Variants in FRYL observed in about 807,000 individuals in gnomAD.
FRYL encodes the protein FRY like transcription coactivator.
A neutral mutation model predicts 351.2 loss-of-function variants in FRYL; 150 were observed. That is an observed-to-expected ratio of 0.43 (90% confidence interval 0.37 to 0.49). The LOEUF (loss-of-function observed/expected upper bound fraction) is 0.49, where lower values mean the gene tolerates loss of function less well. FRYL is among the 20% of genes least tolerant of loss of function. The pLI, the probability that FRYL is intolerant of heterozygous loss-of-function variation, is 0.00. For synonymous variants in FRYL, 1,153 were observed against 1,257.1 expected (o/e 0.92, Z 1.75); for missense variants, 3,036 against 3,619.3 (o/e 0.84, Z 4.13).
At chr4:48,711,481 T>A (rs188178733) in intron 1 of FRYL, among the ~76,000 whole-genome samples, 36 of 152,272 alleles carry the variant, frequency 2.4e-4, no homozygotes, top group African/African-American at 7.7e-4. Context: ...CAGTCTGAGA[T>A]CAAACTGCAA....
Position 48,510,132 on chromosome 4 carries a change from G to A in FRYL, c.8321C>T (p.Thr2774Ile). ...CAACTCCAAAACACCAAACTTGAGTGTTTCCAGCAAACCACATGACATCAG... is the reference window on the plus strand; with the variant it reads ...CAACTCCAAAACACCAAACTTGAGTATTTCCAGCAAACCACATGACATCAG... ...ETLMSCGLLE[T>I]LKFGVLELQE... The change falls in exon 59 of 64, where the codon ACA becomes ATA. Residue 2774 changes from threonine to isoleucine, a missense_variant. By Grantham distance (89) the Thr-to-Ile change is moderately conservative. Transcript: ENST00000358350. The A allele has an allele frequency of 6.2e-7, 1 of 1,613,378 alleles. No homozygotes were observed. Among genetic ancestry groups the A allele is most frequent in the South Asian group, 1.1e-5 (1 of 91,068 alleles).
intron 1 of FRYL, among the ~76,000 whole-genome samples, chr4:48,742,860 G>A (rs1404330346): frequency 6.6e-6 from 1 of 151,668 alleles, no homozygotes; most frequent in Non-Finnish European, 1.5e-5. Context: ...TGGCTGGAGT[G>A]CAATGGTACA....
chr4:48,728,890 C>T (rs187888907), intron 1 of FRYL, among the ~76,000 whole-genome samples: 299 of 152,300 alleles, frequency 2.0e-3, no homozygotes, highest in African/African-American at 6.5e-3. Flanking sequence ...GTGCAGCCCA[C>T]GGAGGGCAAG....
At chr4:48,632,091 A>AATATATATATATATATATATATGT (rs1753178523) in intron 4 of FRYL, among the ~76,000 whole-genome samples, 21 of 23,380 alleles carry the variant, frequency 9.0e-4, no homozygotes, top group East Asian at 2.0e-3. Context: ...AAAAAAAAAA[A>AATATATATATATATATATATATGT]ATATATATAT....
chr4:48,638,410 C>T (rs1448924585), intron 3 of FRYL: 2 of 152,052 alleles, frequency 1.3e-5, no homozygotes, highest in African/African-American at 4.8e-5. Context: ...CAATGAGATA[C>T]CATCTCACGC....
intron 28 of FRYL, among the ~76,000 whole-genome samples, chr4:48,566,305 T>C (rs1277666935): frequency 6.6e-6 from 1 of 152,192 alleles, no homozygotes; most frequent in East Asian, 1.9e-4. Flanking sequence ...CTGGTTTAAA[T>C]GATCTCCAAG....
At chr4:48,603,220 C>T in intron 12 of FRYL, 70 bp downstream of exon 12, 2 of 1,077,264 alleles carry the variant, frequency 1.9e-6, no homozygotes, top group Non-Finnish European at 2.8e-6. Flanking sequence ...CTTAAATTTC[C>T]ACTGAATTCA....
rs1391629595 is a variant in FRYL, at chr4:48,623,062, G to A, written c.174+64C>T. On this transcript the variant is annotated intron_variant, in intron 5 of 63. Coordinates refer to ENST00000358350, the MANE Select transcript of FRYL (RefSeq NM_015030.2). ...AATTCCTTAATATTGAATACATTTG[G>A]GCCAGACTATTAGGATGAACACTAT... 3.5e-5 allele frequency: 32 copies of A among 921,410 alleles called. No homozygotes were observed. The South Asian group carries it at 3.9e-4, about 11-fold the overall frequency. 57.1% of individuals were successfully genotyped at this position (921,410 alleles called of 1,614,324 possible). A position where few individuals can be genotyped will look rare whatever the true frequency, so the allele number is the denominator to read the frequency against.
chr4:48,608,941 T>A, intron 9 of FRYL, 46 bp downstream of exon 9: 1 of 1,188,778 alleles, frequency 8.4e-7, no homozygotes, highest in Non-Finnish European at 1.3e-6. Flanking sequence ...TAATGAAGCA[T>A]TCTAAAATGC....
chr4:48,658,711 G>A (rs751453315), intron 3 of FRYL, among the ~76,000 whole-genome samples: 5 of 151,424 alleles, frequency 3.3e-5, no homozygotes, highest in South Asian at 2.1e-4. Flanking sequence ...CCATGAATGC[G>A]CCACTGCACT....
chr4:48,724,567 G>C (rs1769868574), intron 1 of FRYL, among the ~76,000 whole-genome samples: 1 of 152,162 alleles, frequency 6.6e-6, no homozygotes, highest in Non-Finnish European at 1.5e-5. Context: ...CAAGCTCCAG[G>C]AGTTGGGTGC....
intron 18 of FRYL, among the ~76,000 whole-genome samples, chr4:48,587,752 T>A (rs1742440826): frequency 1.3e-5 from 2 of 151,726 alleles, no homozygotes; most frequent in African/African-American, 4.8e-5. Context: ...ACCATGTTGG[T>A]CAGGCTGGTC....
chr4:48,540,332 G>C, intron 46 of FRYL, 21 bp downstream of exon 46: 1 of 1,601,936 alleles, frequency 6.2e-7, no homozygotes, highest in Non-Finnish European at 8.5e-7. Flanking sequence ...CAAAGTGCTG[G>C]TGCAATTATA....
chr4:48,670,641 T>A (rs897136919), intron 3 of FRYL, among the ~76,000 whole-genome samples: 11 of 152,092 alleles, frequency 7.2e-5, no homozygotes, highest in African/African-American at 2.7e-4. Context: ...CCTTCTACTC[T>A]ATCTCCATGA....
At chr4:48,583,570 A>T (rs957336475) in intron 19 of FRYL, among the ~76,000 whole-genome samples, 2 of 152,088 alleles carry the variant, frequency 1.3e-5, no homozygotes, top group African/African-American at 2.4e-5. Flanking sequence ...AATGAGAGTA[A>T]ATTTAGGAGT....
chr4:48,573,310 T>C (rs1336150519), intron 25 of FRYL, 67 bp from the exon 26 acceptor site: 9 of 1,032,438 alleles, frequency 8.7e-6, no homozygotes, highest in Non-Finnish European at 1.2e-5. Flanking sequence ...GGTAAATATG[T>C]AAAAACATGA....
At chr4:48,606,320 G>T in intron 10 of FRYL, 118 bp downstream of exon 10, 1 of 612,210 alleles carries the variant, frequency 1.6e-6, no homozygotes, top group East Asian at 2.8e-5. Flanking sequence ...TTAACACATG[G>T]AATAAGAGAC....
chr4:48,558,460 T>C (rs1196402823), intron 33 of FRYL, among the ~76,000 whole-genome samples: 1 of 152,210 alleles, frequency 6.6e-6, no homozygotes, highest in Non-Finnish European at 1.5e-5. Flanking sequence ...GATTGTTGTT[T>C]AGTGGGTATA....
At chr4:48,562,630 A>G (rs1735779920) in intron 32 of FRYL, among the ~76,000 whole-genome samples, 1 of 152,200 alleles carries the variant, frequency 6.6e-6, no homozygotes, top group African/African-American at 2.4e-5. Context: ...ATTTATAAGT[A>G]CCTTCATACA....
Sources: gnomAD v4.1 joint callset for allele counts (sites outside exome capture counted in the v4.1 genomes callset) on GRCh38, gnomAD v4.1.1 for gene constraint, MANE v1.5 for transcripts, NCBI Gene and HGNC (gene_info 2026-07-23, HGNC 2026-07-21) for gene names.